UNC5A: variants seen among roughly 807,000 people sequenced by gnomAD.
UNC5A encodes the protein netrin receptor UNC5A.
Under a neutral mutation model 87.4 loss-of-function variants are expected in UNC5A, and 20 were observed. The ratio of observed to expected loss-of-function variants is 0.23; its 90% CI spans 0.16 to 0.33. UNC5A has a LOEUF of 0.33. UNC5A is among the 10% of genes least tolerant of loss of function. The probability of loss-of-function intolerance (pLI) is 1.00; values close to 1 mark genes in which losing one functional copy is unlikely to be tolerated. For missense variants in UNC5A, 844 were observed against 1,133.4 expected, an observed-to-expected ratio of 0.74 and a Z score of 3.67; for synonymous variants, 438 against 482.3, an observed-to-expected ratio of 0.91 and a Z score of 1.20.
At chr5:176,859,339 G>C (rs71591843) in intron 1 of UNC5A, among the ~76,000 whole-genome samples, 8 of 7,774 alleles carry the variant, frequency 1.0e-3, no homozygotes, top group Admixed American at 2.7e-3. Context: ...ATAGCTGCTA[G>C]AATGCCCTTG....
chr5:176,828,649 A>G (rs1324519537), intron 1 of UNC5A, among the ~76,000 whole-genome samples: 1 of 152,146 alleles, frequency 6.6e-6, no homozygotes, highest in Admixed American at 6.5e-5. Context: ...CATGGCGTTT[A>G]TCCACATTGG....
chr5:176,860,050 C>T (rs1757795591), intron 1 of UNC5A, among the ~76,000 whole-genome samples: 2 of 152,330 alleles, frequency 1.3e-5, no homozygotes, highest in Admixed American at 1.3e-4. Flanking sequence ...GCGTGCTGAT[C>T]GATAGGGAGG....
In UNC5A at chr5:176,869,684, A is replaced by G. The variant is rs1051355599; in HGVS notation, c.722-686A>G. The G allele has an allele frequency of 7.2e-6, 5 of 696,344 alleles. No homozygotes were observed. Among genetic ancestry groups the G allele is most frequent in the Non-Finnish European group, 1.3e-5 (5 of 381,240 alleles). 43.1% of individuals were successfully genotyped at this position (696,344 alleles called of 1,614,324 possible). On this transcript the variant is annotated intron_variant, in intron 5 of 14. Transcript: ENST00000329542. This position sits in a 1 kb window ranked among gnomAD's most constrained non-coding sequence, Gnocchi z 9.1. ...CCAGCTGTGGGCGCGGCTGGCAGAA[A>G]CGGAGCCGGAGCTGCACCAACCCGG...
chr5:176,866,698 G>A lies in UNC5A; in HGVS notation c.293-1432G>A, dbSNP rs931259469. On this transcript the variant is annotated intron_variant, in intron 2 of 14. Coordinates refer to ENST00000329542, the MANE Select transcript of UNC5A (RefSeq NM_133369.3). This position sits in a 1 kb window ranked among gnomAD's most constrained non-coding sequence, Gnocchi z 5.0. ...CAGATCTCCTTATCAGATGCCCTAA[G>A]TCACATTGAAAGATAGCTGGTGCCC... 6.6e-6 allele frequency among the ~76,000 whole-genome samples: 1 copy of A among 152,158 alleles called. No individual in the cohort carries two copies. The highest frequency in any genetic ancestry group is 1.5e-5 in the Non-Finnish European group (1 of 68,012).
chr5:176,850,967 TTCCCAGTGCTCCCAG>T (rs1757527875), intron 1 of UNC5A, among the ~76,000 whole-genome samples: 1 of 149,872 alleles, frequency 6.7e-6, no homozygotes, highest in African/African-American at 2.5e-5. Flanking sequence ...CTCCCAGGAC[TTCCCAGTGCTCCCAG>T]GACTTCCCAG....
rs936384061 is a variant in UNC5A, at chr5:176,874,634, G to T, written c.1378+68G>T. The T allele has an allele frequency of 2.0e-6, 3 of 1,465,508 alleles. No homozygotes were observed. In the Admixed American group the frequency reaches 7.5e-5, roughly 37 times the overall value. 90.8% of individuals were successfully genotyped at this position (1,465,508 alleles called of 1,614,324 possible). A position where few individuals can be genotyped will look rare whatever the true frequency, so the allele number is the denominator to read the frequency against. On this transcript the variant is annotated intron_variant, in intron 8 of 14. Transcript: ENST00000329542. This position sits in a 1 kb window ranked among gnomAD's most constrained non-coding sequence, Gnocchi z 7.6. Reference sequence around the variant, plus strand: ...CTGGAGGAGGACGGGACAGCCGGACGTTCCTCTCGTGCCCCTCGGTGTCCC... The same window carrying T: ...CTGGAGGAGGACGGGACAGCCGGACTTTCCTCTCGTGCCCCTCGGTGTCCC...
chr5:176,818,794 G>C (rs1301514437), intron 1 of UNC5A, among the ~76,000 whole-genome samples: 1 of 152,172 alleles, frequency 6.6e-6, no homozygotes, highest in Non-Finnish European at 1.5e-5. Context: ...CTCCCTCACA[G>C]CCTGAAGCCC....
At chr5:176,843,393 G>T (rs563903860) in intron 1 of UNC5A, among the ~76,000 whole-genome samples, 1 of 151,950 alleles carries the variant, frequency 6.6e-6, no homozygotes, top group East Asian at 1.9e-4. Flanking sequence ...ATCCCATTGC[G>T]GTGACATTCT....
At chr5:176,820,834 A>C (rs1756709629) in intron 1 of UNC5A, among the ~76,000 whole-genome samples, 1 of 152,318 alleles carries the variant, frequency 6.6e-6, no homozygotes, top group African/African-American at 2.4e-5. Flanking sequence ...TCATCCCAGC[A>C]GCAGGGCCCA....
chr5:176,853,567 C>T (rs905974721), intron 1 of UNC5A, among the ~76,000 whole-genome samples: 4 of 152,246 alleles, frequency 2.6e-5, no homozygotes, highest in African/African-American at 9.6e-5. Context: ...TCAGTGACAC[C>T]TTCATGCACA....
intron 1 of UNC5A, among the ~76,000 whole-genome samples, chr5:176,847,983 G>A (rs535422883): frequency 6.6e-6 from 1 of 152,266 alleles, no homozygotes; most frequent in African/African-American, 2.4e-5. Context: ...CAGGCCCAGG[G>A]AAGGGCTGGG....
intron 1 of UNC5A, among the ~76,000 whole-genome samples, chr5:176,840,361 G>C (rs1188745270): frequency 1.3e-5 from 2 of 152,150 alleles, no homozygotes; most frequent in East Asian, 3.9e-4. Context: ...AGGCTGGGCT[G>C]TGAGTCGGGG....
At chr5:176,826,137 C>A (rs1223269577) in intron 1 of UNC5A, among the ~76,000 whole-genome samples, 1 of 152,212 alleles carries the variant, frequency 6.6e-6, no homozygotes, top group African/African-American at 2.4e-5. Context: ...GAAGCCACCT[C>A]TGCTTCCAGA....
At position 176,866,231 on chromosome 5, in the gene UNC5A, C is replaced by T. The variant is rs989463950; in HGVS notation, c.293-1899C>T. 1.8e-4 allele frequency among the ~76,000 whole-genome samples: 27 copies of T among 152,300 alleles called. No individual in the cohort carries two copies. The highest frequency in any genetic ancestry group is 5.8e-4 in the African/African-American group (24 of 41,570). On this transcript the variant is annotated intron_variant, in intron 2 of 14. Transcript: ENST00000329542. This position sits in a 1 kb window ranked among gnomAD's most constrained non-coding sequence, Gnocchi z 5.0. Reference sequence around the variant, plus strand: ...TGCCTGATGATCCACAAGAGGAGAGCGCACAGCCCCTCACATCAAAGATGG... The same window carrying T: ...TGCCTGATGATCCACAAGAGGAGAGTGCACAGCCCCTCACATCAAAGATGG...
Position 176,865,066 on chromosome 5 carries a change from A to G in UNC5A, c.292+2221A>G. ...CTCCCCTCCATCCTGCCCCTTGCAG[A>G]TTGGTCGGGGGAAGCCATGAAATCT... On this transcript the variant is annotated intron_variant, in intron 2 of 14. Coordinates refer to ENST00000329542, the MANE Select transcript of UNC5A (RefSeq NM_133369.3). This position sits in a 1 kb window ranked among gnomAD's most constrained non-coding sequence, Gnocchi z 5.3. The G allele has an allele frequency of 3.0e-6, 1 of 336,002 alleles. No individual in the cohort carries two copies. Among genetic ancestry groups the G allele is most frequent in the Admixed American group, 4.1e-5 (1 of 24,314 alleles). The allele number at this position is 336,002 out of a possible 1,614,324, so 20.8% of individuals were successfully genotyped here. A position where few individuals can be genotyped will look rare whatever the true frequency, so the allele number is the denominator to read the frequency against.
Position 176,874,052 on chromosome 5 carries a change from T to G in UNC5A, c.971T>G (p.Ile324Ser). ...VCLVLLLLVL[I>S]LVYCRKKEGL... ...CTGGTCCTGCTGCTGCTTGTCCTCA[T>G]CCTCGTTTATTGCCGGAAGAAGGAG... The change falls in exon 7 of 15, where the codon ATC (isoleucine) becomes AGC (serine). Residue 324 changes from isoleucine (I) to serine (S), a missense_variant. Physicochemically the swap from Ile to Ser is moderately radical, Grantham distance 142 (BLOSUM62 -2). This residue lies in a region of UNC5A where 314 missense variants were observed against 466.5 expected (regional missense o/e 0.67). Transcript: ENST00000329542. This position sits in a 1 kb window ranked among gnomAD's most constrained non-coding sequence, Gnocchi z 7.6. The G allele has an allele frequency of 6.2e-7, 1 of 1,614,054 alleles. No individual in the cohort carries two copies. Among genetic ancestry groups the G allele is most frequent in the Non-Finnish European group, 8.5e-7 (1 of 1,179,966 alleles).
At chr5:176,817,723 G>T (rs919842549) in intron 1 of UNC5A, among the ~76,000 whole-genome samples, 31 of 152,114 alleles carry the variant, frequency 2.0e-4, no homozygotes, top group Admixed American at 7.2e-4. Flanking sequence ...TGCGGGGCAC[G>T]TGAGCTGCCG....
chr5:176,865,830 G>T lies in UNC5A; in HGVS notation c.293-2300G>T. 2.8e-6 allele frequency: 1 copy of T among 363,432 alleles called. No individual in the cohort carries two copies. The highest frequency in any genetic ancestry group is 2.0e-5 in the South Asian group (1 of 49,020). 22.5% of individuals were successfully genotyped at this position (363,432 alleles called of 1,614,324 possible). On this transcript the variant is annotated intron_variant, in intron 2 of 14. Transcript: ENST00000329542. The surrounding 1 kb of genome is among the most constrained non-coding windows in gnomAD (Gnocchi z 5.3). ...GAGAGCACCTACTTCCCTCTCGTTT[G>T]CCCTCATTCCTCACCCAGAAGGCCA...
chr5:176,819,332 T>C (rs757522253), intron 1 of UNC5A, among the ~76,000 whole-genome samples: 1 of 152,090 alleles, frequency 6.6e-6, no homozygotes, highest in Admixed American at 6.5e-5. Context: ...AGTGTATCTG[T>C]TGCAAATATT....
Sources: gnomAD v4.1 joint callset for allele counts (sites outside exome capture counted in the v4.1 genomes callset) on GRCh38, gnomAD v4.1.1 for gene constraint, gnomAD v4.1.1 regional missense constraint, Gnocchi (gnomAD v3.1) non-coding constraint, MANE v1.5 for transcripts, NCBI Gene and HGNC (gene_info 2026-07-23, HGNC 2026-07-21) for gene names.